The following KATNAL2 variants were observed in gnomAD, a reference collection of about 807,000 sequenced individuals.
The protein encoded by KATNAL2 is katanin p60 ATPase-containing subunit A-like 2.
Under a neutral mutation model 76.3 loss-of-function variants are expected in KATNAL2, and 52 were observed. The ratio of observed to expected loss-of-function variants is 0.68; its 90% confidence interval spans 0.55 to 0.86. The LOEUF (loss-of-function observed/expected upper bound fraction) is 0.86, where lower values mean the gene tolerates loss of function less well. Ranked by LOEUF, KATNAL2 falls within the 40% of genes least tolerant of loss-of-function variation. KATNAL2 has a pLI of 0.00. For missense variants in KATNAL2, 660 were observed against 668.9 expected, an observed-to-expected ratio of 0.99 and a Z score of 0.15; for synonymous variants, 243 against 244.2, an observed-to-expected ratio of 1.00 and a Z score of 0.05.
rs1052452197 is a variant in KATNAL2 at position 47,033,914 on chromosome 18, G to T, written c.52-12543G>T. On this transcript the variant is annotated intron_variant, in intron 3 of 17. Transcript: ENST00000683218. ...AAGACATGGCTGGGCACCGTTTTCG[G>T]CCCGGCGGAATCAGCGCCGGCCGCC... 1.7e-5 allele frequency: 27 copies of T among 1,612,968 alleles called. No homozygotes were observed. The highest frequency in any genetic ancestry group is 2.3e-5 in the Non-Finnish European group (27 of 1,180,040).
At chr18:47,066,489 C>T (rs568427810) in intron 10 of KATNAL2, among the ~76,000 whole-genome samples, 90 of 152,088 alleles carry the variant, frequency 5.9e-4, no homozygotes, top group Non-Finnish European at 1.0e-3. Flanking sequence ...AGGGAATGAT[C>T]GCTAGCGAAA....
intron 15 of KATNAL2, among the ~76,000 whole-genome samples, chr18:47,086,088 CCTGT>C (rs2062761109): frequency 6.6e-6 from 1 of 151,908 alleles, no homozygotes; most frequent in Non-Finnish European, 1.5e-5. Flanking sequence ...GCTGCAACAC[CCTGT>C]CTCTTAAAAA....
At chr18:47,091,675 G>T (rs1162634413) in intron 15 of KATNAL2, among the ~76,000 whole-genome samples, 2 of 152,064 alleles carry the variant, frequency 1.3e-5, no homozygotes, top group Non-Finnish European at 1.5e-5. Flanking sequence ...TCTTGCTTTA[G>T]GGCATTAGCT....
In KATNAL2 at chr18:46,946,191, C is replaced by T; in HGVS notation, c.-375C>T. The stretch of plus-strand genomic sequence containing the variant: ...CAGCAAGAGAGACAGAAGGGAAAGA[C>T]ATTGAAGAAACAGACTAGTTAACAC... On this transcript the variant is annotated 5_prime_UTR_variant, in exon 2 of 18. Transcript: ENST00000683218. 9.8e-7 allele frequency: 1 copy of T among 1,021,240 alleles called. No homozygotes were observed. The highest frequency in any genetic ancestry group is 3.6e-5 in the South Asian group (1 of 27,636). 63.3% of individuals were successfully genotyped at this position (1,021,240 alleles called of 1,614,324 possible). A position where few individuals can be genotyped will look rare whatever the true frequency, so the allele number is the denominator to read the frequency against.
intron 3 of KATNAL2, among the ~76,000 whole-genome samples, chr18:46,959,821 C>T (rs535532366): frequency 1.2e-4 from 18 of 152,276 alleles, no homozygotes; most frequent in Middle Eastern, 3.4e-3. Flanking sequence ...GTGATCTGCC[C>T]GCCTCGGCCT....
At chr18:47,090,397 G>T (rs28702976) in intron 15 of KATNAL2, among the ~76,000 whole-genome samples, 67,205 of 151,870 alleles carry the variant, frequency 0.44, 14,947 homozygotes, top group Middle Eastern at 0.55. Flanking sequence ...AGGAGCCACC[G>T]CGCCCAGCCC....
Position 46,946,880 on chromosome 18 carries a change from T to C in KATNAL2, c.8T>C (p.Leu3Pro), listed in dbSNP as rs1477777862. 2.0e-6 allele frequency: 3 copies of C among 1,535,778 alleles called. No individual in the cohort carries two copies. In the East Asian group the frequency reaches 7.3e-5, roughly 38 times the overall value. ME[L>P]SYQTLKFTHQ... ...GTCCTAGCACAGTGTCTGATGGAGCTTTCCTACCAGACCCTGAAATTCACG... is the reference window on the plus strand; with the variant it reads ...GTCCTAGCACAGTGTCTGATGGAGCCTTCCTACCAGACCCTGAAATTCACG... Residue 3 changes from leucine (L) to proline (P), a missense_variant, in exon 3 of 18, where the codon CTT becomes CCT. Transcript: ENST00000683218.
chr18:47,063,216 A>G lies in KATNAL2; in HGVS notation c.649-68A>G. 2.0e-6 allele frequency: 3 copies of G among 1,523,714 alleles called. No homozygotes were observed. The Admixed American group carries it at 5.1e-5, about 26-fold the overall frequency. 94.4% of individuals were successfully genotyped at this position (1,523,714 alleles called of 1,614,324 possible). On this transcript the variant is annotated intron_variant, in intron 9 of 17. Coordinates refer to ENST00000683218, the MANE Select transcript of KATNAL2 (RefSeq NM_001387690.1). ...TCGTTTGTTTCACCAAGACCTGTGC[A>G]TGCCCGGGGTTTCTTCCTAAATTAT...
chr18:47,064,079 G>T (rs1441498395), intron 10 of KATNAL2, among the ~76,000 whole-genome samples: 1 of 152,156 alleles, frequency 6.6e-6, no homozygotes, highest in Non-Finnish European at 1.5e-5. Context: ...GAAGCTAAGG[G>T]CTCCTGAGCT....
At chr18:47,059,797 C>T (rs966966705) in intron 8 of KATNAL2, 143 bp downstream of exon 8, 8 of 617,646 alleles carry the variant, frequency 1.3e-5, no homozygotes, top group South Asian at 9.8e-5. Context: ...TGGAGAAGAG[C>T]GTCAGAAAAT....
rs370114578 is a variant in KATNAL2, at chr18:47,059,560, T to C, written c.455T>C (p.Val152Ala). The C allele has an allele frequency of 6.9e-6, 11 of 1,602,398 alleles. No individual in the cohort carries two copies. In the African/African-American group the frequency reaches 1.1e-4, roughly 16 times the overall value. The change falls in exon 8 of 18, where the codon GTA becomes GCA. Residue 152 changes from valine to alanine, a missense_variant. By Grantham distance (64) the Val-to-Ala change is moderately conservative (BLOSUM62 0). Coordinates refer to ENST00000683218, the MANE Select transcript of KATNAL2 (RefSeq NM_001387690.1). ...SLNKEHPNQEVVDNTRLESAN... is the reference protein window; with the variant it reads ...SLNKEHPNQEAVDNTRLESAN... ...TCCTTGTCTCTCTTTCTTCAGGAGG[T>C]AGTTGATAACACTCGCCTGGAAAGT...
At chr18:47,033,965 G>T in intron 3 of KATNAL2, 1 of 1,613,320 alleles carries the variant, frequency 6.2e-7, no homozygotes, top group East Asian at 2.2e-5. Context: ...TGGCTTTCCT[G>T]GACAGGAGGC....
At chr18:46,932,065 C>T (rs2058941400) in intron 1 of KATNAL2, among the ~76,000 whole-genome samples, 1 of 151,898 alleles carries the variant, frequency 6.6e-6, no homozygotes. Flanking sequence ...TGCGTGCTAC[C>T]ATGCCCGGCT....
intron 11 of KATNAL2, among the ~76,000 whole-genome samples, chr18:47,067,498 T>C (rs2147184596): frequency 6.6e-6 from 1 of 152,260 alleles, no homozygotes; most frequent in Admixed American, 6.5e-5. Flanking sequence ...TTTACACCCC[T>C]GCCCCCCTGA....
At chr18:46,932,715 C>T (rs563293510) in intron 1 of KATNAL2, among the ~76,000 whole-genome samples, 20 of 144,508 alleles carry the variant, frequency 1.4e-4, no homozygotes, top group African/African-American at 5.1e-4. Context: ...TCACTCATTT[C>T]GCAAGGCTAT....
At chr18:46,921,489 A>G (rs747943476) in intron 1 of KATNAL2, among the ~76,000 whole-genome samples, 2 of 152,178 alleles carry the variant, frequency 1.3e-5, no homozygotes, top group Non-Finnish European at 1.5e-5. Flanking sequence ...TCCATTTACT[A>G]GCTGTGTAAC....
At chr18:47,032,263 T>C (rs931192773) in intron 3 of KATNAL2, among the ~76,000 whole-genome samples, 9 of 152,256 alleles carry the variant, frequency 5.9e-5, no homozygotes, top group South Asian at 2.1e-4. Context: ...GCAGTTTTCT[T>C]TGAGCCATGC....
At chr18:46,922,126 G>T (rs1474787347) in intron 1 of KATNAL2, among the ~76,000 whole-genome samples, 1 of 148,548 alleles carries the variant, frequency 6.7e-6, no homozygotes, top group African/African-American at 2.5e-5. Context: ...TTTGAGACAG[G>T]GTCTCACTCT....
chr18:47,094,901 T>A (rs929781233), intron 15 of KATNAL2, among the ~76,000 whole-genome samples: 3 of 151,990 alleles, frequency 2.0e-5, no homozygotes, highest in African/African-American at 4.8e-5. Context: ...GGGGTGGAAA[T>A]CTGTGATCTA....
Sources: allele counts gnomAD v4.1 joint callset (sites outside exome capture counted in the v4.1 genomes callset), GRCh38; gene constraint gnomAD v4.1.1; transcripts MANE v1.5; gene names NCBI Gene and HGNC (gene_info 2026-07-23, HGNC 2026-07-21).